FRK: variants seen among roughly 807,000 people sequenced by gnomAD.
FRK encodes the protein fyn related Src family tyrosine kinase.
FRK carries 51 observed loss-of-function variants against 56.4 expected under a neutral mutation model. The observed-to-expected ratio is 0.90, with a 90% CI of 0.72 to 1.14. The LOEUF (loss-of-function observed/expected upper bound fraction) is 1.14. FRK is among the 50% of genes most tolerant of loss of function. The probability of loss-of-function intolerance (pLI) is 0.00; values close to 1 mark genes in which losing one functional copy is unlikely to be tolerated. For synonymous variants in FRK, 245 were observed against 217.9 expected, an observed-to-expected ratio of 1.12 and a Z score of -1.10; for missense variants, 570 against 601.4, an observed-to-expected ratio of 0.95 and a Z score of 0.55.
At chr6:115,958,501 G>A (rs569157502) in intron 4 of FRK, among the ~76,000 whole-genome samples, 61 of 151,732 alleles carry the variant, frequency 4.0e-4, no homozygotes, top group African/African-American at 1.5e-3. Context: ...GGTGTCAGGT[G>A]CCTGTAATCC....
At chr6:115,977,106 C>T (rs946608097) in intron 2 of FRK, among the ~76,000 whole-genome samples, 2 of 152,156 alleles carry the variant, frequency 1.3e-5, no homozygotes, top group East Asian at 1.9e-4. Context: ...CTCCCTATAC[C>T]ACTGCCTCAG....
At chr6:115,992,914 C>T (rs1264506778) in intron 2 of FRK, among the ~76,000 whole-genome samples, 1 of 151,730 alleles carries the variant, frequency 6.6e-6, no homozygotes, top group African/African-American at 2.4e-5. Flanking sequence ...CAAAGCAATG[C>T]ATAAACTTCT....
At position 115,937,182 on chromosome 6, in the gene FRK, A is replaced by G. The variant is rs1332930496; in HGVS notation, c.*5232T>C. Reference sequence around the variant, plus strand: ...GTAGGGGCCAATATTCAACATTCTTAAAGAAAAGAATTTTCAACCCAGAAT... The same window carrying G: ...GTAGGGGCCAATATTCAACATTCTTGAAGAAAAGAATTTTCAACCCAGAAT... On this transcript the variant is annotated 3_prime_UTR_variant, in exon 8 of 8. Coordinates refer to ENST00000606080, the MANE Select transcript of FRK (RefSeq NM_002031.3). 6.6e-6 allele frequency: 1 copy of G among 152,220 alleles called. No individual in the cohort carries two copies. The highest frequency in any genetic ancestry group is 2.4e-5 in the African/African-American group (1 of 41,450). The allele number at this position is 152,220 out of a possible 1,614,324, so 9.4% of individuals were successfully genotyped here.
chr6:115,936,129 A>G lies in FRK; in HGVS notation c.*6285T>C. On this transcript the variant is annotated 3_prime_UTR_variant, in exon 8 of 8. Coordinates refer to ENST00000606080, the MANE Select transcript of FRK (RefSeq NM_002031.3). Reference sequence around the variant, plus strand: ...TCCAGTGGGTGCCCCTCTGGGACGAAGCTTCCAGAGGAAAGAACAGGCAGC... The same window carrying G: ...TCCAGTGGGTGCCCCTCTGGGACGAGGCTTCCAGAGGAAAGAACAGGCAGC... 1 of 162,156 alleles carries G rather than the reference A, an allele frequency of 6.2e-6. No individual in the cohort carries two copies. Among genetic ancestry groups the G allele is most frequent in the Non-Finnish European group, 1.3e-5 (1 of 76,386 alleles). 10.0% of individuals were successfully genotyped at this position (162,156 alleles called of 1,614,324 possible).
intron 1 of FRK, among the ~76,000 whole-genome samples, chr6:116,041,191 G>A (rs1776695438): frequency 6.6e-6 from 1 of 152,148 alleles, no homozygotes; most frequent in South Asian, 2.1e-4. Flanking sequence ...ACCAGTACCT[G>A]TCTGTTTTGC....
the FRK span, among the ~76,000 whole-genome samples, chr6:116,084,084 C>T: frequency 1.1e-4 from 16 of 152,192 alleles, no homozygotes; most frequent in African/African-American, 3.6e-4. Flanking sequence ...GAAATAATTG[C>T]TAGGATACCA....
At chr6:116,077,733 T>C in the FRK span, among the ~76,000 whole-genome samples, 1 of 152,248 alleles carries the variant, frequency 6.6e-6, no homozygotes, top group South Asian at 2.1e-4. Context: ...GACTCTCCTT[T>C]GCTTTATTAT....
intron 1 of FRK, among the ~76,000 whole-genome samples, chr6:116,027,878 C>A (rs6918059): frequency 6.6e-6 from 1 of 151,198 alleles, no homozygotes; most frequent in Admixed American, 6.6e-5. Flanking sequence ...ACAGGACAGT[C>A]AGAGATGCTG....
the FRK span, among the ~76,000 whole-genome samples, chr6:116,086,435 C>T: frequency 6.6e-6 from 1 of 152,138 alleles, no homozygotes; most frequent in Admixed American, 6.5e-5. Flanking sequence ...TGGGTAAGCT[C>T]ATTCTCAGTT....
intron 1 of FRK, among the ~76,000 whole-genome samples, chr6:116,030,219 T>C (rs144463586): frequency 1.3e-5 from 2 of 152,190 alleles, no homozygotes; most frequent in East Asian, 1.9e-4. Flanking sequence ...TTTTGATCCT[T>C]AGTCAGGGAC....
intron 1 of FRK, among the ~76,000 whole-genome samples, chr6:116,004,373 TCCACTGCTTCCC>T (rs932111376): frequency 6.6e-6 from 1 of 152,044 alleles, no homozygotes; most frequent in African/African-American, 2.4e-5. Context: ...CATCCAACCA[TCCACTGCTTCCC>T]CTAACACCTC....
chr6:115,942,953 G>A (rs1772252044), intron 7 of FRK, 67 bp downstream of exon 7: 4 of 1,490,948 alleles, frequency 2.7e-6, no homozygotes, highest in Admixed American at 3.9e-5. Context: ...TCTGGGCAAA[G>A]CAGTTAAAAT....
chr6:115,957,301 A>G (rs535040928), intron 4 of FRK, among the ~76,000 whole-genome samples: 4 of 152,344 alleles, frequency 2.6e-5, no homozygotes, highest in African/African-American at 9.6e-5. Flanking sequence ...CTGCAATTAA[A>G]TCGTATTTTA....
In FRK at chr6:115,941,725, TTAAAAC is replaced by T. The variant is rs1425346678; in HGVS notation, c.*683_*688del. The T allele has an allele frequency of 6.6e-6, 1 of 152,224 alleles. No individual in the cohort carries two copies. Among genetic ancestry groups the T allele is most frequent in the African/African-American group, 2.4e-5 (1 of 41,406 alleles). 9.4% of individuals were successfully genotyped at this position (152,224 alleles called of 1,614,324 possible). Reference sequence around the variant, plus strand: ...CAACCTGATTCTCAATATTAAGAGATTAAAACTAATGTATATGACTCTCAGTTGACA... The same window carrying T: ...CAACCTGATTCTCAATATTAAGAGATTAATGTATATGACTCTCAGTTGACA... On this transcript the variant is annotated 3_prime_UTR_variant, in exon 8 of 8. Transcript: ENST00000606080.
chr6:115,990,584 G>A (rs1484789627), intron 2 of FRK, among the ~76,000 whole-genome samples: 1 of 151,316 alleles, frequency 6.6e-6, no homozygotes, highest in Non-Finnish European at 1.5e-5. Flanking sequence ...GTTGGTTTTG[G>A]CTATGTGGCT....
At chr6:115,968,293 A>T (rs2114602464) in intron 3 of FRK, among the ~76,000 whole-genome samples, 1 of 152,286 alleles carries the variant, frequency 6.6e-6, no homozygotes, top group Non-Finnish European at 1.5e-5. Context: ...ATTCTAGTTT[A>T]CCACCTGCCC....
the FRK span, among the ~76,000 whole-genome samples, chr6:116,078,793 A>C: frequency 1.3e-5 from 2 of 152,184 alleles, no homozygotes; most frequent in Non-Finnish European, 2.9e-5. Context: ...TACAGAATTC[A>C]ACTTCCTTTC....
At chr6:116,017,607 T>C (rs758320742) in intron 1 of FRK, among the ~76,000 whole-genome samples, 8 of 152,292 alleles carry the variant, frequency 5.3e-5, no homozygotes, top group Middle Eastern at 3.4e-3. Flanking sequence ...TAACCTTCTC[T>C]AGGGCCTCAG....
At chr6:116,015,774 C>T (rs1775624719) in intron 1 of FRK, among the ~76,000 whole-genome samples, 1 of 152,066 alleles carries the variant, frequency 6.6e-6, no homozygotes, top group African/African-American at 2.4e-5. Flanking sequence ...TTGTCCCTGC[C>T]CTAGTGATCT....
Sources: allele counts gnomAD v4.1 joint callset (sites outside exome capture counted in the v4.1 genomes callset), GRCh38; gene constraint gnomAD v4.1.1; transcripts MANE v1.5; gene names NCBI Gene and HGNC (gene_info 2026-07-23, HGNC 2026-07-21).